The following MACROD2 variants were observed in gnomAD, a reference collection of about 807,000 sequenced individuals.
MACROD2 encodes mono-ADP ribosylhydrolase 2.
Under a neutral mutation model 70.4 loss-of-function variants are expected in MACROD2, and 36 were observed. That is an observed-to-expected ratio of 0.51 (90% CI 0.39 to 0.68). MACROD2 has a LOEUF of 0.68. MACROD2 is among the 30% of genes least tolerant of loss of function. The pLI is 0.00. For synonymous variants in MACROD2, 172 were observed against 178.8 expected (o/e 0.96, Z 0.30); for missense variants, 496 against 538.4 (o/e 0.92, Z 0.78).
chr20:15,597,793 G>A (rs1366488370), intron 8 of MACROD2, among the ~76,000 whole-genome samples: 1 of 152,170 alleles, frequency 6.6e-6, no homozygotes, highest in Admixed American at 6.6e-5. Flanking sequence ...AAAGAGTTGA[G>A]GTCAGCCGGG....
At chr20:15,021,773 C>A (rs2075188157) in intron 5 of MACROD2, 2 of 152,008 alleles carry the variant, frequency 1.3e-5, no homozygotes, top group African/African-American at 2.4e-5. Context: ...GGATACATGT[C>A]ATTATGCTTT....
chr20:14,374,839 T>A (rs1271533623), intron 3 of MACROD2, among the ~76,000 whole-genome samples: 2 of 152,192 alleles, frequency 1.3e-5, no homozygotes, highest in Non-Finnish European at 2.9e-5. Context: ...ACAAGCTTTT[T>A]GATTAGGAGT....
intron 4 of MACROD2, among the ~76,000 whole-genome samples, chr20:14,666,380 TAGC>T (rs1481557702): frequency 3.3e-5 from 5 of 152,168 alleles, no homozygotes; most frequent in Non-Finnish European, 5.9e-5. Flanking sequence ...AAAACATTCT[TAGC>T]AGGGAAGTTT....
At chr20:14,923,797 G>T (rs1367974119) in intron 5 of MACROD2, among the ~76,000 whole-genome samples, 7 of 139,784 alleles carry the variant, frequency 5.0e-5, no homozygotes, top group Admixed American at 1.4e-4. Context: ...GTTGGGGGAG[G>T]GGGGGGCGGC....
chr20:15,190,453 C>G lies in MACROD2; in HGVS notation c.419-39487C>G, dbSNP rs546704342. 7.2e-4 allele frequency among the ~76,000 whole-genome samples: 109 copies of G among 152,156 alleles called. 1 individual carries two copies. The highest frequency in any genetic ancestry group is 1.3e-4 in the Admixed American group (2 of 15,274). ...CTTCCTCCTCTGTAGAATTACCTCT[C>G]GAGCATCATTGGATCGTGCATTCGT... On this transcript the variant is annotated intron_variant, in intron 5 of 17. Transcript: ENST00000684519.
chr20:14,580,131 C>T (rs1461140558), intron 4 of MACROD2, among the ~76,000 whole-genome samples: 1 of 152,142 alleles, frequency 6.6e-6, no homozygotes, highest in African/African-American at 2.4e-5. Context: ...AATTAAACAT[C>T]TAAGTACAAA....
chr20:14,426,908 A>G (rs1448473791), intron 3 of MACROD2, among the ~76,000 whole-genome samples: 3 of 152,182 alleles, frequency 2.0e-5, no homozygotes, highest in Non-Finnish European at 2.9e-5. Context: ...GAAGAGGGAC[A>G]TTTAACTGTA....
intron 5 of MACROD2, among the ~76,000 whole-genome samples, chr20:15,138,099 G>T (rs949357984): frequency 2.6e-5 from 4 of 152,046 alleles, no homozygotes; most frequent in Admixed American, 6.6e-5. Flanking sequence ...TCTGATATGA[G>T]ATGAAAATTT....
At chr20:14,667,773 CAG>C (rs1018169475) in intron 4 of MACROD2, among the ~76,000 whole-genome samples, 9 of 152,142 alleles carry the variant, frequency 5.9e-5, no homozygotes, top group African/African-American at 1.9e-4. Context: ...TTTATGGACA[CAG>C]AAGAACCCAC....
intron 13 of MACROD2, among the ~76,000 whole-genome samples, chr20:15,974,328 T>C (rs2066274093): frequency 1.3e-5 from 2 of 152,156 alleles, no homozygotes; most frequent in South Asian, 4.1e-4. Flanking sequence ...CCAAAGGTTA[T>C]TATTCAGCAC....
At chr20:15,184,136 C>T (rs1312067379) in intron 5 of MACROD2, among the ~76,000 whole-genome samples, 1 of 152,174 alleles carries the variant, frequency 6.6e-6, no homozygotes, top group South Asian at 2.1e-4. Context: ...GTTTATAATA[C>T]TGTGCGGACC....
chr20:15,588,278 G>C (rs1424772210), intron 8 of MACROD2, among the ~76,000 whole-genome samples: 1 of 152,122 alleles, frequency 6.6e-6, no homozygotes, highest in Non-Finnish European at 1.5e-5. Context: ...CAAATCCCTA[G>C]ACTGCACACA....
At chr20:15,288,918 A>C (rs2077517249) in intron 6 of MACROD2, among the ~76,000 whole-genome samples, 1 of 143,396 alleles carries the variant, frequency 7.0e-6, no homozygotes, top group African/African-American at 2.6e-5. Flanking sequence ...TCTCCTCTCC[A>C]TCCTATTGGT....
intron 4 of MACROD2, among the ~76,000 whole-genome samples, chr20:14,513,969 TA>T (rs1431919014): frequency 6.6e-6 from 1 of 152,150 alleles, no homozygotes; most frequent in African/African-American, 2.4e-5. Flanking sequence ...TTTTAAATTT[TA>T]CAACATTTTT....
At chr20:14,962,549 C>G (rs1211123063) in intron 5 of MACROD2, among the ~76,000 whole-genome samples, 1 of 149,654 alleles carries the variant, frequency 6.7e-6, no homozygotes, top group Non-Finnish European at 1.5e-5. Flanking sequence ...CTCTTTCTCT[C>G]TGTCTCTATA....
chr20:15,457,957 A>G (rs1236767421), intron 7 of MACROD2, among the ~76,000 whole-genome samples: 2 of 150,720 alleles, frequency 1.3e-5, no homozygotes, highest in Admixed American at 6.6e-5. Flanking sequence ...ATGAAAAAAA[A>G]AAAAAGAAAA....
chr20:15,498,157 T>G (rs16995834), intron 7 of MACROD2, among the ~76,000 whole-genome samples: 9,218 of 152,210 alleles, frequency 0.061, 554 homozygotes, highest in East Asian at 0.26. Context: ...TTGGCTCTGA[T>G]TTGTTTTGTC....
At chr20:14,905,570 A>T (rs1317234538) in intron 5 of MACROD2, 1 of 152,102 alleles carries the variant, frequency 6.6e-6, no homozygotes, top group Non-Finnish European at 1.5e-5. Flanking sequence ...TACACAGCAA[A>T]TGGATGGAAC....
chr20:15,565,726 C>T (rs1457806861), intron 8 of MACROD2, among the ~76,000 whole-genome samples: 2 of 152,150 alleles, frequency 1.3e-5, no homozygotes, highest in African/African-American at 2.4e-5. Context: ...AGCAATCCTC[C>T]TGCCTCAGCC....
Sources: allele counts gnomAD v4.1 joint callset (sites outside exome capture counted in the v4.1 genomes callset), GRCh38; gene constraint gnomAD v4.1.1; transcripts MANE v1.5; gene names NCBI Gene and HGNC (gene_info 2026-07-23, HGNC 2026-07-21).